The following PTPRA variants were observed in gnomAD, a reference collection of about 807,000 sequenced individuals.
The protein encoded by PTPRA is protein tyrosine phosphatase receptor type A.
In PTPRA, 25 loss-of-function variants were observed where a neutral mutation model predicts 104.8. That is an observed-to-expected ratio of 0.24 (90% CI 0.17 to 0.33). PTPRA has a LOEUF of 0.33. Ranked by LOEUF, PTPRA falls within the 10% of genes least tolerant of loss-of-function variation. PTPRA has a pLI of 1.00. For missense variants in PTPRA, 765 were observed against 1,015.3 expected, an observed-to-expected ratio of 0.75 and a Z score of 3.35; for synonymous variants, 323 against 368.9, an observed-to-expected ratio of 0.88 and a Z score of 1.43.
chr20:3,027,007 C>T, intron 18 of PTPRA, 114 bp from the exon 19 acceptor site: 1 of 1,203,838 alleles, frequency 8.3e-7, no homozygotes, highest in Non-Finnish European at 1.2e-6. Context: ...TAGGAACAGA[C>T]ATGTCCTTGC....
At chr20:2,899,974 G>A (rs374815046) in intron 1 of PTPRA, among the ~76,000 whole-genome samples, 2 of 152,034 alleles carry the variant, frequency 1.3e-5, no homozygotes, top group East Asian at 3.9e-4. Flanking sequence ...AGGTGTTGTA[G>A]TAGTGGTCGC....
chr20:3,030,600 C>T (rs554384378), intron 20 of PTPRA, among the ~76,000 whole-genome samples: 60 of 150,744 alleles, frequency 4.0e-4, no homozygotes, highest in South Asian at 4.2e-4. Context: ...GAAAAAAATT[C>T]GATCCCATAA....
At chr20:2,868,310 C>CTTTTTTTTTTTTTTTTTT in the PTPRA span, among the ~76,000 whole-genome samples, 3 of 104,166 alleles carry the variant, frequency 2.9e-5, no homozygotes, top group African/African-American at 1.2e-4. Context: ...GACTCCACCT[C>CTTTTTTTTTTTTTTTTTT]TTTTTTTTTT....
At chr20:2,983,600 T>C (rs894659927) in intron 6 of PTPRA, among the ~76,000 whole-genome samples, 2 of 149,500 alleles carry the variant, frequency 1.3e-5, no homozygotes, top group African/African-American at 4.9e-5. Context: ...CAGACAGATT[T>C]GAAGTTTTAG....
chr20:2,870,936 G>A (rs974824580), upstream of PTPRA, among the ~76,000 whole-genome samples: 2 of 152,150 alleles, frequency 1.3e-5, no homozygotes, highest in Admixed American at 6.5e-5. Context: ...TCTCTTCCAG[G>A]ATAACCCTTT....
intron 3 of PTPRA, 120 bp downstream of exon 3, chr20:2,948,144 A>G (rs933673553): frequency 4.7e-6 from 2 of 422,080 alleles, no homozygotes; most frequent in South Asian, 2.0e-5. Flanking sequence ...GGGGGTGCAT[A>G]GTAAAGGATT....
rs141373768 is a variant in PTPRA, at chr20:2,911,583, T to G, written c.-128-11624T>G. Among the ~76,000 whole-genome samples, 21 of 152,296 alleles carry G rather than the reference T, an allele frequency of 1.4e-4. No individual in the cohort carries two copies. In the East Asian group the frequency reaches 3.7e-3, roughly 27 times the overall value. ...AGGTTTATTTCATGTGGAAAAGGAA[T>G]AATGTGTTTGCCCTGAAATAGTCTG... On this transcript the variant is annotated intron_variant, in intron 1 of 23. Transcript: ENST00000399903.
intron 5 of PTPRA, among the ~76,000 whole-genome samples, chr20:2,967,981 C>A (rs912907700): frequency 6.6e-6 from 1 of 152,202 alleles, no homozygotes; most frequent in African/African-American, 2.4e-5. Context: ...TCCTCCTGAG[C>A]CCTCCATTGT....
At chr20:2,992,826 C>A (rs6076454) in intron 9 of PTPRA, among the ~76,000 whole-genome samples, 1 of 152,226 alleles carries the variant, frequency 6.6e-6, no homozygotes, top group Non-Finnish European at 1.5e-5. Context: ...GGCACAGTGG[C>A]TCATGCCTTT....
At chr20:2,959,745 G>A (rs1178051) in intron 3 of PTPRA, among the ~76,000 whole-genome samples, 28,180 of 151,992 alleles carry the variant, frequency 0.19, 3,891 homozygotes, top group African/African-American at 0.39. Context: ...AAGGTCAGGA[G>A]TTTAAGACCA....
the PTPRA span, chr20:2,864,547 T>C: frequency 6.2e-7 from 1 of 1,614,104 alleles, no homozygotes; most frequent in South Asian, 1.1e-5. This position sits in a 1 kb window ranked among gnomAD's most constrained non-coding sequence, Gnocchi z 5.2. Context: ...GTGGCCCCAG[T>C]TCTGTAAGCA....
intron 1 of PTPRA, among the ~76,000 whole-genome samples, chr20:2,920,072 T>G (rs577775931): frequency 6.6e-6 from 1 of 152,292 alleles, no homozygotes; most frequent in African/African-American, 2.4e-5. Flanking sequence ...AGCCAAACAT[T>G]TACTGTGTGG....
chr20:2,932,468 G>A (rs1041740116), intron 2 of PTPRA, among the ~76,000 whole-genome samples: 7 of 152,166 alleles, frequency 4.6e-5, no homozygotes, highest in Non-Finnish European at 8.8e-5. Flanking sequence ...GAGGGTTAGG[G>A]ATGGAAAAAT....
chr20:2,909,795 A>G (rs1039076162), intron 1 of PTPRA, among the ~76,000 whole-genome samples: 1 of 134,916 alleles, frequency 7.4e-6, no homozygotes, highest in African/African-American at 2.8e-5. Context: ...AATATATATT[A>G]GATAATATAT....
chr20:2,971,094 A>G (rs568250720), intron 5 of PTPRA, among the ~76,000 whole-genome samples: 13 of 152,326 alleles, frequency 8.5e-5, no homozygotes, highest in African/African-American at 3.1e-4. Context: ...GTAACTTTGT[A>G]AAGTATTTAA....
chr20:2,954,889 G>A (rs1372079731), intron 3 of PTPRA, among the ~76,000 whole-genome samples: 1 of 152,172 alleles, frequency 6.6e-6, no homozygotes, highest in East Asian at 1.9e-4. Flanking sequence ...TAAGGGAGGG[G>A]TCCAGCGTTA....
chr20:2,961,059 G>A (rs938100554), intron 3 of PTPRA, among the ~76,000 whole-genome samples: 10 of 152,024 alleles, frequency 6.6e-5, no homozygotes, highest in African/African-American at 9.7e-5. Flanking sequence ...GCTCCCAGTC[G>A]TGGCAATTAT....
Position 3,022,692 on chromosome 20 carries a change from A to C in PTPRA, c.1332A>C (p.Ala444=). The change falls in exon 16 of 24, where the codon GCA becomes GCC. Residue 444 remains alanine, a synonymous_variant. Transcript: ENST00000399903. The surrounding 1 kb of genome is among the most constrained non-coding windows in gnomAD (Gnocchi z 4.6). Reference sequence around the variant, plus strand: ...ACCCCCTGCTCTCTGGCTACAGTGCAGGTGTAGGGCGTACAGGTACCTTTG... The same window carrying C: ...ACCCCCTGCTCTCTGGCTACAGTGCCGGTGTAGGGCGTACAGGTACCTTTG... ...YAGAIVVHCS[A]GVGRTGTFVV... 1.9e-6 allele frequency: 3 copies of C among 1,614,168 alleles called. No individual in the cohort carries two copies. The highest frequency in any genetic ancestry group is 2.5e-6 in the Non-Finnish European group (3 of 1,180,014).
At chr20:2,886,886 AAAAG>A (rs777484539) in intron 1 of PTPRA, among the ~76,000 whole-genome samples, 23 of 122,918 alleles carry the variant, frequency 1.9e-4, no homozygotes, top group East Asian at 1.3e-3. Flanking sequence ...AAAAAAAAGA[AAAAG>A]AAATAAAAAA....
Sources: allele counts gnomAD v4.1 joint callset (sites outside exome capture counted in the v4.1 genomes callset), GRCh38; gene constraint gnomAD v4.1.1; non-coding constraint Gnocchi (gnomAD v3.1); transcripts MANE v1.5; gene names NCBI Gene and HGNC (gene_info 2026-07-23, HGNC 2026-07-21).